The following SAMMSON variants were observed in gnomAD, a reference collection of about 807,000 sequenced individuals.
SAMMSON encodes survival associated mitochondrial melanoma specific oncogenic non-coding RNA.
intron 4 of SAMMSON, chr3:70,125,724 G>T: frequency 1.5e-6 from 1 of 679,244 alleles, no homozygotes; most frequent in Non-Finnish European, 2.6e-6. Flanking sequence ...GATGTAAACT[G>T]TTTTGTGAAG....
chr3:70,212,552 C>A (rs1701361932), intron 4 of SAMMSON, among the ~76,000 whole-genome samples: 1 of 152,122 alleles, frequency 6.6e-6, no homozygotes, highest in Admixed American at 6.6e-5. Flanking sequence ...TTTTTCATTT[C>A]CATTACTGCC....
chr3:70,331,769 T>C (rs1575627293), intron 7 of SAMMSON, among the ~76,000 whole-genome samples: 2 of 152,226 alleles, frequency 1.3e-5, no homozygotes, highest in African/African-American at 4.8e-5. Context: ...AATGAGGTAG[T>C]AAAGAAATCA....
intron 3 of SAMMSON, among the ~76,000 whole-genome samples, chr3:70,032,274 C>A (rs376946628): frequency 7.9e-5 from 11 of 139,302 alleles, no homozygotes; most frequent in African/African-American, 3.5e-4. Flanking sequence ...AGGGTACAGG[C>A]AAAAAAAATC....
intron 2 of SAMMSON, among the ~76,000 whole-genome samples, chr3:70,419,820 A>T (rs928217810): frequency 6.6e-6 from 1 of 152,026 alleles, no homozygotes; most frequent in Non-Finnish European, 1.5e-5. Flanking sequence ...TTATATTTTC[A>T]GTAGAGATGG....
chr3:70,005,551 C>A (rs1278181174), intron 1 of SAMMSON, among the ~76,000 whole-genome samples: 1 of 152,094 alleles, frequency 6.6e-6, no homozygotes, highest in Non-Finnish European at 1.5e-5. Context: ...CTCTTGAAGA[C>A]CTTGACCAGA....
rs974615541 is a variant in SAMMSON at position 70,288,365 on chromosome 3, G to A, written n.675-2814G>A. Among the ~76,000 whole-genome samples the A allele has an allele frequency of 1.3e-4, 17 of 134,582 alleles. No homozygotes were observed. The East Asian group carries it at 3.3e-3, about 26-fold the overall frequency. 88.3% of individuals were successfully genotyped at this position (134,582 alleles called of 152,430 possible). A position where few individuals can be genotyped will look rare whatever the true frequency, so the allele number is the denominator to read the frequency against. On this transcript the variant is annotated intron_variant and non_coding_transcript_variant, in intron 6 of 9. Transcript: ENST00000642114. The stretch of plus-strand genomic sequence containing the variant: ...TTGTTCAGTTTCCATGTAGTTGAGC[G>A]GTTTTGAGTGAGATTCTTAATCCTG...
At chr3:70,045,008 AT>A (rs199778840) in intron 3 of SAMMSON, among the ~76,000 whole-genome samples, 6 of 126,422 alleles carry the variant, frequency 4.7e-5, no homozygotes, top group South Asian at 2.3e-4. Context: ...AATTAATTAT[AT>A]ATATATAATT....
intron 4 of SAMMSON, among the ~76,000 whole-genome samples, chr3:70,085,326 G>T (rs183751923): frequency 1.3e-3 from 199 of 152,228 alleles, no homozygotes; most frequent in African/African-American, 4.7e-3. Flanking sequence ...ATTCTTTCTG[G>T]GTTCCCCCTT....
At chr3:70,301,290 A>G (rs958805509) in intron 7 of SAMMSON, among the ~76,000 whole-genome samples, 1 of 152,122 alleles carries the variant, frequency 6.6e-6, no homozygotes, top group Non-Finnish European at 1.5e-5. Context: ...GTAAATCTGC[A>G]TGTAAGGAAT....
At chr3:70,214,908 T>C (rs1022673937) in intron 4 of SAMMSON, among the ~76,000 whole-genome samples, 6 of 152,176 alleles carry the variant, frequency 3.9e-5, no homozygotes, top group South Asian at 4.1e-4. Flanking sequence ...GCAGTTTTTA[T>C]AGTTTGATGC....
At chr3:70,320,772 T>C (rs1253629341) in intron 7 of SAMMSON, among the ~76,000 whole-genome samples, 2 of 152,052 alleles carry the variant, frequency 1.3e-5, no homozygotes, top group Admixed American at 6.6e-5. Context: ...TGGGATGCAA[T>C]CCATTAGCAT....
intron 4 of SAMMSON, among the ~76,000 whole-genome samples, chr3:70,236,079 C>T (rs1341949183): frequency 1.3e-5 from 2 of 151,978 alleles, no homozygotes; most frequent in African/African-American, 4.8e-5. Flanking sequence ...ACGACCTTGG[C>T]TTTAGCTCTC....
chr3:70,023,098 G>T (rs1576099724), intron 3 of SAMMSON, among the ~76,000 whole-genome samples: 1 of 152,070 alleles, frequency 6.6e-6, no homozygotes, highest in South Asian at 2.1e-4. Context: ...TTTGATGTTG[G>T]CTTCTTAAAA....
intron 7 of SAMMSON, among the ~76,000 whole-genome samples, chr3:70,296,951 A>G (rs1037874961): frequency 6.6e-6 from 1 of 151,858 alleles, no homozygotes; most frequent in African/African-American, 2.4e-5. Flanking sequence ...TCTCTGGTCT[A>G]GTTTATTGTC....
At chr3:70,093,216 G>A (rs1008482858) in intron 4 of SAMMSON, among the ~76,000 whole-genome samples, 5 of 152,104 alleles carry the variant, frequency 3.3e-5, no homozygotes, top group Non-Finnish European at 7.4e-5. Flanking sequence ...AGAATAATGC[G>A]CACTGACAGA....
intron 4 of SAMMSON, chr3:70,094,980 C>T (rs1457535781): frequency 6.6e-6 from 1 of 152,206 alleles, no homozygotes; most frequent in Non-Finnish European, 1.5e-5. Flanking sequence ...CCACAGGAGT[C>T]ACAGGTAGAT....
At chr3:70,050,825 G>C (rs1332352807) in intron 3 of SAMMSON, among the ~76,000 whole-genome samples, 2 of 151,866 alleles carry the variant, frequency 1.3e-5, no homozygotes, top group Admixed American at 1.3e-4. Context: ...CACAGCAGTG[G>C]GTGCTGTTTT....
intron 2 of SAMMSON, among the ~76,000 whole-genome samples, chr3:70,409,163 C>A (rs1390927895): frequency 6.6e-6 from 1 of 152,080 alleles, no homozygotes; most frequent in African/African-American, 2.4e-5. Flanking sequence ...GGGGACATAG[C>A]CAAACTATAC....
At position 69,999,855 on chromosome 3, in the gene SAMMSON, C is replaced by A. The variant is rs184460676; in HGVS notation, n.10C>A. Reference sequence around the variant, plus strand: ...CAGACAGGCACCGGCAGGCCATTGACCAGCGGGACAAGGTGGAGTTTGGCT... The same window carrying A: ...CAGACAGGCACCGGCAGGCCATTGAACAGCGGGACAAGGTGGAGTTTGGCT... On this transcript the variant is annotated non_coding_transcript_exon_variant, in exon 1 of 10. Transcript: ENST00000642114. 5 of 152,476 alleles carry A rather than the reference C, an allele frequency of 3.3e-5. No individual in the cohort carries two copies. In the East Asian group the frequency reaches 5.8e-4, roughly 18 times the overall value. 9.4% of individuals were successfully genotyped at this position (152,476 alleles called of 1,614,324 possible). A position where few individuals can be genotyped will look rare whatever the true frequency, so the allele number is the denominator to read the frequency against.
Sources: gnomAD v4.1 joint callset for allele counts (sites outside exome capture counted in the v4.1 genomes callset) on GRCh38, gnomAD v4.1.1 for gene constraint, MANE v1.5 for transcripts, NCBI Gene and HGNC (gene_info 2026-07-23, HGNC 2026-07-21) for gene names.